ZNF676: variants seen among roughly 807,000 people sequenced by gnomAD.
The protein encoded by ZNF676 is zinc finger protein 676.
Under a neutral mutation model 6.0 loss-of-function variants are expected in ZNF676, and 4 were observed. The observed-to-expected ratio is 0.67, with a 90% CI of 0.33 to 1.53. The LOEUF (loss-of-function observed/expected upper bound fraction) is 1.53. ZNF676 is among the 40% of genes most tolerant of loss of function. The pLI, the probability that ZNF676 is intolerant of heterozygous loss-of-function variation, is 0.06. For missense variants in ZNF676, 644 were observed against 679.7 expected (o/e 0.95, Z 0.58); for synonymous variants, 198 against 223.1 (o/e 0.89, Z 1.00).
chr19:22,179,465 T>C lies in ZNF676; in HGVS notation c.*485A>G, dbSNP rs1224462313. On this transcript the variant is annotated 3_prime_UTR_variant, in exon 3 of 3. Transcript: ENST00000397121. ...ACAATTATAGGAATTCCCTCCAGTA[T>C]GAATTACATGAATGTTTAGTAAGGA... 5 of 376,138 alleles carry C rather than the reference T, an allele frequency of 1.3e-5. No individual in the cohort carries two copies. The highest frequency in any genetic ancestry group is 1.1e-4 in the African/African-American group (5 of 47,436). 23.3% of individuals were successfully genotyped at this position (376,138 alleles called of 1,614,324 possible).
At chr19:22,252,171 G>C in the ZNF676 span, among the ~76,000 whole-genome samples, 1 of 152,016 alleles carries the variant, frequency 6.6e-6, no homozygotes. Context: ...AAAGCAGGTG[G>C]ATTGCCTGAG....
intron 2 of ZNF676, among the ~76,000 whole-genome samples, chr19:22,183,658 T>C (rs1349855422): frequency 1.3e-5 from 2 of 152,190 alleles, no homozygotes; most frequent in African/African-American, 4.8e-5. Context: ...AAATTTTAAA[T>C]ATCAAGATCC....
At chr19:22,217,456 C>T (rs1313742347), upstream of ZNF676, among the ~76,000 whole-genome samples, 1 of 152,200 alleles carries the variant, frequency 6.6e-6, no homozygotes, top group East Asian at 1.9e-4. Context: ...CCCACCTCAG[C>T]CTCCCAAAGT....
chr19:22,248,799 G>A, the ZNF676 span, among the ~76,000 whole-genome samples: 1 of 151,454 alleles, frequency 6.6e-6, no homozygotes, highest in African/African-American at 2.4e-5. Context: ...GCGCATTCTT[G>A]GCTCACCACA....
At chr19:22,197,001 T>C, upstream of ZNF676, 1 of 332,110 alleles carries the variant, frequency 3.0e-6, no homozygotes, top group Non-Finnish European at 5.5e-6. Flanking sequence ...CACTAACATG[T>C]ACAATTTTGA....
intron 2 of ZNF676, among the ~76,000 whole-genome samples, chr19:22,185,445 C>A (rs1460272332): frequency 4.0e-5 from 6 of 151,486 alleles, no homozygotes; most frequent in Admixed American, 2.6e-4. Context: ...ATTCCAAAAA[C>A]CAGAATGCCT....
At chr19:22,245,905 A>T in the ZNF676 span, among the ~76,000 whole-genome samples, 1 of 152,134 alleles carries the variant, frequency 6.6e-6, no homozygotes, top group Non-Finnish European at 1.5e-5. Context: ...TGCAGAACCC[A>T]GACAGAAAAG....
chr19:22,258,475 A>ACATT, the ZNF676 span, among the ~76,000 whole-genome samples: 1 of 152,166 alleles, frequency 6.6e-6, no homozygotes, highest in Non-Finnish European at 1.5e-5. Context: ...GAGAGGAATC[A>ACATT]CATTATCTAG....
At chr19:22,215,726 G>C in exon 1 of ZNF676, 2 of 1,515,352 alleles carry the variant, frequency 1.3e-6, no homozygotes, top group Admixed American at 3.5e-5. Context: ...TCTAGGAACA[G>C]TAAGGACAAG....
At chr19:22,207,668 G>A (rs1329033541) in intron 1 of ZNF676, among the ~76,000 whole-genome samples, 1 of 151,834 alleles carries the variant, frequency 6.6e-6, no homozygotes, top group Non-Finnish European at 1.5e-5. Context: ...AAGAAAGCTG[G>A]AGGCATTACA....
At chr19:22,242,661 A>G in the ZNF676 span, among the ~76,000 whole-genome samples, 56 of 152,094 alleles carry the variant, frequency 3.7e-4, no homozygotes, top group South Asian at 0.011. Flanking sequence ...GAGTCTTATC[A>G]CACAGGTTTT....
chr19:22,241,750 T>C, the ZNF676 span, among the ~76,000 whole-genome samples: 1 of 151,938 alleles, frequency 6.6e-6, no homozygotes, highest in Non-Finnish European at 1.5e-5. Flanking sequence ...ATCTCTTTAA[T>C]TGACCTGCTC....
At chr19:22,230,814 A>C in the ZNF676 span, among the ~76,000 whole-genome samples, 1 of 151,760 alleles carries the variant, frequency 6.6e-6, no homozygotes, top group South Asian at 2.1e-4. Flanking sequence ...GTCCGCCACC[A>C]CACCCGGCTA....
At chr19:22,216,710 C>A (rs1303554994), upstream of ZNF676, among the ~76,000 whole-genome samples, 4 of 151,296 alleles carry the variant, frequency 2.6e-5, no homozygotes, top group Admixed American at 2.6e-4. Flanking sequence ...CTGCAACCTC[C>A]CTCTCTGGGT....
chr19:22,187,771 A>G (rs1327651184), intron 2 of ZNF676, among the ~76,000 whole-genome samples: 3 of 152,204 alleles, frequency 2.0e-5, no homozygotes, highest in Non-Finnish European at 4.4e-5. Flanking sequence ...AAAATCTAGA[A>G]GAAATGAATA....
chr19:22,223,900 C>T, the ZNF676 span, among the ~76,000 whole-genome samples: 1 of 151,426 alleles, frequency 6.6e-6, no homozygotes, highest in Middle Eastern at 3.4e-3. Flanking sequence ...ACAGCAGTTT[C>T]ATTTTGTGTA....
upstream of ZNF676, among the ~76,000 whole-genome samples, chr19:22,216,726 C>T (rs140281397): frequency 0.029 from 4,370 of 151,450 alleles, 78 homozygotes; most frequent in Middle Eastern, 0.048. Context: ...TGGGTTCAAG[C>T]GATTCTCCTG....
At chr19:22,195,891 A>G (rs746955193) in intron 1 of ZNF676, among the ~76,000 whole-genome samples, 24 of 152,212 alleles carry the variant, frequency 1.6e-4, no homozygotes, top group Non-Finnish European at 2.9e-4. Context: ...CAAGAGTTTC[A>G]GCCTTCTTTA....
At chr19:22,209,190 A>G (rs1446955833) in intron 1 of ZNF676, among the ~76,000 whole-genome samples, 1 of 151,986 alleles carries the variant, frequency 6.6e-6, no homozygotes, top group Non-Finnish European at 1.5e-5. Flanking sequence ...TGAACCCGGG[A>G]GGTGGAGGTT....
Sources: allele counts gnomAD v4.1 joint callset (sites outside exome capture counted in the v4.1 genomes callset), GRCh38; gene constraint gnomAD v4.1.1; transcripts MANE v1.5; gene names NCBI Gene and HGNC (gene_info 2026-07-23, HGNC 2026-07-21).